The following KLC1 variants were observed in gnomAD, a reference collection of about 807,000 sequenced individuals.
The protein encoded by KLC1 is kinesin 2 60/70kDa.
In KLC1, 30 loss-of-function variants were observed where a neutral mutation model predicts 84.2. The ratio of observed to expected loss-of-function variants is 0.36; its 90% confidence interval spans 0.27 to 0.48. The LOEUF is 0.48. KLC1 is among the 20% of genes least tolerant of loss of function. The pLI, the probability that KLC1 is intolerant of heterozygous loss-of-function variation, is 0.99. For synonymous variants in KLC1, 289 were observed against 293.3 expected, an observed-to-expected ratio of 0.99 and a Z score of 0.15; for missense variants, 499 against 805.4, an observed-to-expected ratio of 0.62 and a Z score of 4.60.
In KLC1 at chr14:103,632,009, A is replaced by C. The variant is rs76591809; in HGVS notation, c.-2+2515A>C. 5.4e-4 allele frequency among the ~76,000 whole-genome samples: 82 copies of C among 152,338 alleles called. No individual in the cohort carries two copies. In the East Asian group the frequency reaches 0.015, roughly 29 times the overall value. ...AGGGCATAGAATAAAAGTGACAAGC[A>C]CATTAAGATTGCAAATACTGGTCTT... On this transcript the variant is annotated intron_variant, in intron 1 of 16. Transcript: ENST00000334553.
chr14:103,630,466 C>A (rs1008089256), intron 1 of KLC1, among the ~76,000 whole-genome samples: 6 of 152,140 alleles, frequency 3.9e-5, no homozygotes, highest in Non-Finnish European at 8.8e-5. Flanking sequence ...TTGAGATATA[C>A]TATTTCAGGT....
chr14:103,634,223 A>T (rs8008451), intron 1 of KLC1, among the ~76,000 whole-genome samples: 11 of 151,928 alleles, frequency 7.2e-5, no homozygotes, highest in Admixed American at 7.2e-4. Context: ...TCCACTTAAC[A>T]TTCATAACCT....
chr14:103,663,483 A>G (rs1396280610), intron 5 of KLC1, among the ~76,000 whole-genome samples: 1 of 152,066 alleles, frequency 6.6e-6, no homozygotes, highest in Non-Finnish European at 1.5e-5. Flanking sequence ...TGTACCCCTA[A>G]CGCCAGCCAA....
At chr14:103,630,533 CT>C (rs1426893985) in intron 1 of KLC1, among the ~76,000 whole-genome samples, 6 of 151,070 alleles carry the variant, frequency 4.0e-5, no homozygotes, top group African/African-American at 7.3e-5. Context: ...ATCCCAAGGC[CT>C]TTTTTTTTGG....
intron 15 of KLC1, chr14:103,696,831 C>G: frequency 1.0e-6 from 1 of 985,438 alleles, no homozygotes; most frequent in Non-Finnish European, 1.2e-6. Context: ...ATGGCCCTGG[C>G]CTGGAACTGT....
At chr14:103,643,143 T>C (rs986213961) in intron 1 of KLC1, among the ~76,000 whole-genome samples, 4 of 152,210 alleles carry the variant, frequency 2.6e-5, no homozygotes, top group African/African-American at 9.6e-5. Flanking sequence ...AAGTCCATAT[T>C]GATATAAATA....
intron 14 of KLC1, among the ~76,000 whole-genome samples, chr14:103,688,367 T>G (rs538149157): frequency 6.6e-6 from 1 of 152,266 alleles, no homozygotes; most frequent in South Asian, 2.1e-4. Flanking sequence ...GCCAGGCTGG[T>G]CTCGAACTCC....
chr14:103,661,515 C>G (rs1024874273), intron 3 of KLC1, among the ~76,000 whole-genome samples: 2 of 152,344 alleles, frequency 1.3e-5, no homozygotes, highest in South Asian at 2.1e-4. Flanking sequence ...CGGAGCCAAA[C>G]AGTGTTCATC....
chr14:103,673,326 T>C lies in KLC1; in HGVS notation c.1162-6T>C. The C allele has an allele frequency of 1.9e-6, 3 of 1,574,048 alleles. No homozygotes were observed. Among genetic ancestry groups the C allele is most frequent in the Non-Finnish European group, 2.6e-6 (3 of 1,163,592 alleles). The stretch of plus-strand genomic sequence containing the variant: ...TATGAAATATTTTATTTTATTTTAT[T>C]TTAAGGCATCCTGCTATTTGAAACA... On this transcript the variant is annotated splice_polypyrimidine_tract_variant and splice_region_variant and intron_variant, in intron 8 of 16. Coordinates refer to ENST00000334553, the MANE Select transcript of KLC1 (RefSeq NM_001394837.1).
chr14:103,670,365 T>A, intron 7 of KLC1, 82 bp downstream of exon 7: 45 of 779,386 alleles, frequency 5.8e-5, no homozygotes, highest in Non-Finnish European at 8.7e-5. Flanking sequence ...TGAGATGGAG[T>A]CTCGTTCTGT....
intron 13 of KLC1, chr14:103,686,011 C>T: frequency 9.2e-7 from 1 of 1,087,244 alleles, no homozygotes; most frequent in Non-Finnish European, 1.1e-6. Context: ...GTAACTAAGC[C>T]TTACAGCAAG....
At chr14:103,661,334 G>T (rs1184121513) in intron 3 of KLC1, among the ~76,000 whole-genome samples, 2 of 152,174 alleles carry the variant, frequency 1.3e-5, no homozygotes, top group Admixed American at 1.3e-4. Context: ...AGCCTTTCAC[G>T]TGGAATGGGG....
intron 15 of KLC1, chr14:103,699,589 C>G: frequency 6.2e-7 from 1 of 1,613,056 alleles, no homozygotes; most frequent in Non-Finnish European, 8.5e-7. Context: ...GTGGGGACAG[C>G]TGTCATTGTC....
At chr14:103,691,458 C>CTTTTTT (rs71126053) in intron 14 of KLC1, among the ~76,000 whole-genome samples, 5 of 68,832 alleles carry the variant, frequency 7.3e-5, no homozygotes, top group Non-Finnish European at 1.3e-4. Flanking sequence ...CCACGCCTGG[C>CTTTTTT]TTTTTTTTTT....
At chr14:103,684,823 G>A (rs2081648684) in intron 13 of KLC1, 1 of 632,534 alleles carries the variant, frequency 1.6e-6, no homozygotes, top group Non-Finnish European at 2.9e-6. Context: ...AACTACTGTA[G>A]TGTAGCGCTG....
intron 1 of KLC1, among the ~76,000 whole-genome samples, chr14:103,644,130 G>T (rs940591114): frequency 2.0e-5 from 3 of 146,792 alleles, no homozygotes; most frequent in Non-Finnish European, 3.0e-5. Flanking sequence ...CAGGAGAATG[G>T]CCTGAACCTG....
chr14:103,662,589 C>T (rs1459777055), intron 4 of KLC1, 113 bp from the exon 5 acceptor site: 1 of 814,224 alleles, frequency 1.2e-6, no homozygotes. Context: ...TTAAATAGCA[C>T]TGGGGGCCAA....
At chr14:103,672,864 C>T (rs2080536158) in intron 7 of KLC1, 150 bp from the exon 8 acceptor site, 6 of 657,798 alleles carry the variant, frequency 9.1e-6, no homozygotes, top group African/African-American at 5.6e-5. Flanking sequence ...TTTATTACTA[C>T]GTGGTGTAGC....
chr14:103,656,026 C>T (rs2078813767), intron 2 of KLC1, among the ~76,000 whole-genome samples: 2 of 152,348 alleles, frequency 1.3e-5, no homozygotes, highest in Non-Finnish European at 2.9e-5. Flanking sequence ...CGGGGATACT[C>T]AGGTTCCTAA....
Sources: allele counts gnomAD v4.1 joint callset (sites outside exome capture counted in the v4.1 genomes callset), GRCh38; gene constraint gnomAD v4.1.1; transcripts MANE v1.5; gene names NCBI Gene and HGNC (gene_info 2026-07-23, HGNC 2026-07-21).